Variants in KCNJ3 observed in about 807,000 individuals in gnomAD.
The protein encoded by KCNJ3 is G protein-activated inward rectifier potassium channel 1.
In KCNJ3, 4 loss-of-function variants were observed where a neutral mutation model predicts 39.2. That is an observed-to-expected ratio of 0.10 (90% CI 0.05 to 0.23). The LOEUF (loss-of-function observed/expected upper bound fraction) is 0.23. KCNJ3 is among the 10% of genes least tolerant of loss of function. KCNJ3 has a pLI of 1.00. For synonymous variants in KCNJ3, 230 were observed against 237.4 expected (o/e 0.97, Z 0.29); for missense variants, 276 against 634.9 (o/e 0.43, Z 6.08).
At chr2:154,795,582 C>G (rs1481687974) in intron 2 of KCNJ3, among the ~76,000 whole-genome samples, 2 of 151,964 alleles carry the variant, frequency 1.3e-5, no homozygotes, top group Non-Finnish European at 1.5e-5. Flanking sequence ...ATGGAATTTT[C>G]AAGTCTTTAG....
intron 2 of KCNJ3, among the ~76,000 whole-genome samples, chr2:154,780,450 C>T (rs979304251): frequency 2.0e-5 from 3 of 152,084 alleles, no homozygotes; most frequent in African/African-American, 7.3e-5. Flanking sequence ...ATAATGACTG[C>T]ATTATCAGTG....
chr2:154,737,427 T>A (rs1399417598), intron 2 of KCNJ3, among the ~76,000 whole-genome samples: 1 of 151,924 alleles, frequency 6.6e-6, no homozygotes, highest in Non-Finnish European at 1.5e-5. Flanking sequence ...GTTTCTGTCA[T>A]CCAATAAAGC....
chr2:154,780,584 G>A (rs1374293598), intron 2 of KCNJ3, among the ~76,000 whole-genome samples: 1 of 151,906 alleles, frequency 6.6e-6, no homozygotes, highest in Non-Finnish European at 1.5e-5. Flanking sequence ...TAGTGCAGTG[G>A]GTTAGCAAGA....
chr2:154,769,148 T>C (rs2105194770), intron 2 of KCNJ3, among the ~76,000 whole-genome samples: 1 of 152,314 alleles, frequency 6.6e-6, no homozygotes, highest in Admixed American at 6.5e-5. Context: ...ACAATTTGAC[T>C]TCCTCTTTTC....
At chr2:154,787,200 G>T (rs550281675) in intron 2 of KCNJ3, among the ~76,000 whole-genome samples, 2 of 152,126 alleles carry the variant, frequency 1.3e-5, no homozygotes, top group African/African-American at 4.8e-5. Flanking sequence ...CATCCTCCTC[G>T]CATTTTCAAT....
Position 154,857,367 on chromosome 2 carries a change from G to A in KCNJ3, c.*2054G>A, listed in dbSNP as rs952386255. ...ATTTTAATTTGTCTTTGGTACCAAGGAGAAGACGGAACCAAAAACAAACTC... is the reference window on the plus strand; with the variant it reads ...ATTTTAATTTGTCTTTGGTACCAAGAAGAAGACGGAACCAAAAACAAACTC... On this transcript the variant is annotated 3_prime_UTR_variant, in exon 3 of 3. Transcript: ENST00000295101. The A allele has an allele frequency of 1.3e-5, 2 of 152,046 alleles. No homozygotes were observed. Among genetic ancestry groups the A allele is most frequent in the African/African-American group, 4.8e-5 (2 of 41,382 alleles). The allele number at this position is 152,046 out of a possible 1,614,324, so 9.4% of individuals were successfully genotyped here. A position where few individuals can be genotyped will look rare whatever the true frequency, so the allele number is the denominator to read the frequency against.
chr2:154,760,641 C>T (rs1476004262), intron 2 of KCNJ3, among the ~76,000 whole-genome samples: 1 of 151,856 alleles, frequency 6.6e-6, no homozygotes, highest in Non-Finnish European at 1.5e-5. Context: ...GTAGCCTCAA[C>T]CTCCTGGGCT....
chr2:154,836,742 A>T (rs1383475463), intron 2 of KCNJ3, among the ~76,000 whole-genome samples: 5 of 152,220 alleles, frequency 3.3e-5, no homozygotes, highest in Non-Finnish European at 5.9e-5. Context: ...GCATAAAAGA[A>T]AAATTAGAAG....
chr2:154,802,316 T>G (rs1393750590), intron 2 of KCNJ3, among the ~76,000 whole-genome samples: 1 of 152,106 alleles, frequency 6.6e-6, no homozygotes, highest in Non-Finnish European at 1.5e-5. Context: ...TGTGGTCATG[T>G]GAGGGAGCTT....
intron 1 of KCNJ3, among the ~76,000 whole-genome samples, chr2:154,707,170 G>A (rs1157358857): frequency 6.6e-6 from 1 of 151,948 alleles, no homozygotes; most frequent in Non-Finnish European, 1.5e-5. Context: ...AAAAATATAT[G>A]AGCATTGAAA....
chr2:154,746,625 TATA>T (rs2105178556), intron 2 of KCNJ3, among the ~76,000 whole-genome samples: 1 of 128,256 alleles, frequency 7.8e-6, no homozygotes, highest in Non-Finnish European at 1.6e-5. Context: ...TATATATATA[TATA>T]TATGTATATA....
At chr2:154,853,815 A>G (rs1241092656) in intron 2 of KCNJ3, among the ~76,000 whole-genome samples, 1 of 152,208 alleles carries the variant, frequency 6.6e-6, no homozygotes, top group East Asian at 1.9e-4. Flanking sequence ...AAATTAGAAT[A>G]CCATGAGGCA....
Position 154,699,860 on chromosome 2 carries a change from G to A in KCNJ3, c.702+383G>A, listed in dbSNP as rs534320581. Among the ~76,000 whole-genome samples, 1 of 152,228 alleles carries A rather than the reference G, an allele frequency of 6.6e-6. No homozygotes were observed. The highest frequency in any genetic ancestry group is 6.5e-5 in the Admixed American group (1 of 15,296). On this transcript the variant is annotated intron_variant, in intron 1 of 2. Transcript: ENST00000295101. This position sits in a 1 kb window ranked among gnomAD's most constrained non-coding sequence, Gnocchi z 6.4. ...GTCTACACACTACCCCATTCAATGC[G>A]AGGTACTAGAACTCAACTGAACAGC... is the stretch of plus-strand genomic sequence containing the variant.
intron 2 of KCNJ3, among the ~76,000 whole-genome samples, chr2:154,729,100 A>T (rs1303303993): frequency 6.6e-6 from 1 of 152,198 alleles, no homozygotes. Flanking sequence ...CTCTAAAACT[A>T]TTAATCAAGA....
chr2:154,804,075 C>T (rs1371777196), intron 2 of KCNJ3, among the ~76,000 whole-genome samples: 2 of 151,592 alleles, frequency 1.3e-5, no homozygotes, highest in Non-Finnish European at 2.9e-5. Flanking sequence ...ATTTGGAGTC[C>T]TAAAATGTTA....
chr2:154,829,843 G>A (rs1215025684), intron 2 of KCNJ3, among the ~76,000 whole-genome samples: 1 of 152,062 alleles, frequency 6.6e-6, no homozygotes, highest in Non-Finnish European at 1.5e-5. Context: ...GTGTGAGATG[G>A]TATCTTATTG....
intron 2 of KCNJ3, among the ~76,000 whole-genome samples, chr2:154,775,661 T>A (rs1042894437): frequency 4.6e-5 from 7 of 152,214 alleles, no homozygotes; most frequent in Non-Finnish European, 8.8e-5. Flanking sequence ...TTTATTGTTA[T>A]AAATGTCACT....
chr2:154,833,877 T>G (rs1340542473), intron 2 of KCNJ3, among the ~76,000 whole-genome samples: 1 of 152,186 alleles, frequency 6.6e-6, no homozygotes, highest in East Asian at 1.9e-4. Flanking sequence ...AGTGTATTTT[T>G]TTTTATTACT....
chr2:154,720,570 C>T (rs189592382), intron 2 of KCNJ3, among the ~76,000 whole-genome samples: 1 of 151,956 alleles, frequency 6.6e-6, no homozygotes, highest in East Asian at 1.9e-4. Flanking sequence ...GGAAAATGTC[C>T]TGTTCATATT....
Sources: allele counts gnomAD v4.1 joint callset (sites outside exome capture counted in the v4.1 genomes callset), GRCh38; gene constraint gnomAD v4.1.1; non-coding constraint Gnocchi (gnomAD v3.1); transcripts MANE v1.5; gene names NCBI Gene and HGNC (gene_info 2026-07-23, HGNC 2026-07-21).